DLGAP2: variants seen among roughly 807,000 people sequenced by gnomAD.
DLGAP2 encodes the protein DLG associated protein 2.
Under a neutral mutation model 100.3 loss-of-function variants are expected in DLGAP2, and 26 were observed. The observed-to-expected ratio is 0.26, with a 90% CI of 0.19 to 0.36. The LOEUF (loss-of-function observed/expected upper bound fraction) is 0.36. DLGAP2 is among the 10% of genes least tolerant of loss of function. DLGAP2 has a pLI of 1.00. For synonymous variants in DLGAP2, 886 were observed against 630.1 expected (o/e 1.41, Z -6.08); for missense variants, 1,858 against 1,453.2 (o/e 1.28, Z -4.53).
rs572894912 is a variant in DLGAP2, at chr8:1,292,799, G to A, written c.106+33916G>A. On this transcript the variant is annotated intron_variant, in intron 3 of 14. Transcript: ENST00000637795. Reference sequence around the variant, plus strand: ...TTCCACTCATGTCACCCCTCTTCTCGGAACGCCTTCCCAAGGTCTTTCATT... The same window carrying A: ...TTCCACTCATGTCACCCCTCTTCTCAGAACGCCTTCCCAAGGTCTTTCATT... Among the ~76,000 whole-genome samples, 13 of 152,012 alleles carry A rather than the reference G, an allele frequency of 8.6e-5. No homozygotes were observed. The South Asian group carries it at 2.1e-3, about 24-fold the overall frequency.
intron 2 of DLGAP2, among the ~76,000 whole-genome samples, chr8:1,089,289 A>C (rs17668341): frequency 6.6e-6 from 1 of 152,234 alleles, no homozygotes; most frequent in African/African-American, 2.4e-5. Flanking sequence ...GACATGGTCT[A>C]TTGGTCTGTA....
intron 2 of DLGAP2, among the ~76,000 whole-genome samples, chr8:1,197,373 C>G (rs1012546147): frequency 1.3e-5 from 2 of 152,258 alleles, no homozygotes; most frequent in African/African-American, 4.8e-5. Flanking sequence ...TGTCTCAATA[C>G]CTGAGCCTTT....
intron 2 of DLGAP2, among the ~76,000 whole-genome samples, chr8:1,187,041 G>A (rs1373422056): frequency 6.6e-6 from 1 of 151,434 alleles, no homozygotes; most frequent in East Asian, 2.0e-4. Flanking sequence ...GCCTTTCCCA[G>A]GCCCCAGAAT....
In DLGAP2 at chr8:1,486,210, C is replaced by T. The variant is rs150043946; in HGVS notation, c.107-15156C>T. On this transcript the variant is annotated intron_variant, in intron 3 of 14. Transcript: ENST00000637795. The stretch of plus-strand genomic sequence containing the variant: ...GATAAGGAAACCAAGGCTTTCATTA[C>T]TTGCCCCAGATCATAAGAGCCAGAG... Among the ~76,000 whole-genome samples, 426 of 152,260 alleles carry T rather than the reference C, an allele frequency of 2.8e-3. 2 individuals are homozygous for T. Among genetic ancestry groups the T allele is most frequent in the Middle Eastern group, 0.01 (3 of 294 alleles).
chr8:1,292,947 C>T (rs1385776307), intron 3 of DLGAP2, among the ~76,000 whole-genome samples: 5 of 152,162 alleles, frequency 3.3e-5, no homozygotes, highest in Non-Finnish European at 7.3e-5. Context: ...TGCATTAGGA[C>T]CCTGGGCGTG....
At chr8:1,478,907 G>T (rs1017045433) in intron 3 of DLGAP2, among the ~76,000 whole-genome samples, 1 of 152,248 alleles carries the variant, frequency 6.6e-6, no homozygotes, top group African/African-American at 2.4e-5. Flanking sequence ...TGGAGGTTGA[G>T]GGAGATGACG....
Position 1,417,156 on chromosome 8 carries a change from G to GGCGGGGGAGACCGTC in DLGAP2, c.107-84210_107-84209insGCGGGGGAGACCGTC, listed in dbSNP as rs1563133680. 5.3e-4 allele frequency among the ~76,000 whole-genome samples: 45 copies of GGCGGGGGAGACCGTC among 85,656 alleles called. 5 individuals are homozygous for GGCGGGGGAGACCGTC. The highest frequency in any genetic ancestry group is 1.7e-3 in the East Asian group (4 of 2,398). The allele number at this position is 85,656 out of a possible 152,430, so 56.2% of individuals were successfully genotyped here. On this transcript the variant is annotated intron_variant, in intron 3 of 14. Coordinates refer to ENST00000637795, the MANE Select transcript of DLGAP2 (RefSeq NM_001346810.2). ...GCGTCTGAGGCGGGGGAGACTCTGAGTGAAGGGGAAGCCCCCGTTCATTTA... is the reference window on the plus strand; with the variant it reads ...GCGTCTGAGGCGGGGGAGACTCTGAGGCGGGGGAGACCGTCTGAAGGGGAAGCCCCCGTTCATTTA...
intron 4 of DLGAP2, among the ~76,000 whole-genome samples, chr8:1,513,508 C>G (rs1332624645): frequency 6.6e-6 from 1 of 152,206 alleles, no homozygotes; most frequent in Admixed American, 6.5e-5. Flanking sequence ...GGCCGTCACC[C>G]CCATCAGTGG....
At chr8:1,481,198 C>T (rs1216996975) in intron 3 of DLGAP2, among the ~76,000 whole-genome samples, 2 of 151,798 alleles carry the variant, frequency 1.3e-5, no homozygotes, top group Admixed American at 1.3e-4. Context: ...ATTTTAAAAA[C>T]CATCAAAAAT....
At chr8:1,678,089 C>A in intron 11 of DLGAP2, 125 bp from the exon 12 acceptor site, 1 of 1,065,980 alleles carries the variant, frequency 9.4e-7, no homozygotes, top group East Asian at 2.5e-5. Flanking sequence ...AAACAAAACA[C>A]TACCTGCCCT....
intron 3 of DLGAP2, among the ~76,000 whole-genome samples, chr8:1,280,764 G>A (rs1799798997): frequency 6.6e-6 from 1 of 152,228 alleles, no homozygotes; most frequent in South Asian, 2.1e-4. Context: ...GCAGTTGGGG[G>A]TCAGGTTGCC....
At chr8:1,553,563 G>A (rs1350851341) in intron 5 of DLGAP2, among the ~76,000 whole-genome samples, 1 of 152,180 alleles carries the variant, frequency 6.6e-6, no homozygotes, top group Non-Finnish European at 1.5e-5. Flanking sequence ...GGAAGCAAAT[G>A]GCAGAAAAGA....
intron 2 of DLGAP2, among the ~76,000 whole-genome samples, chr8:946,453 C>G (rs530077735): frequency 2.6e-5 from 4 of 151,740 alleles, no homozygotes; most frequent in Middle Eastern, 3.4e-3. Flanking sequence ...TTTGTAGAGA[C>G]GGGGTTTCAC....
At chr8:845,017 C>T (rs377652731) in intron 1 of DLGAP2, among the ~76,000 whole-genome samples, 1 of 152,168 alleles carries the variant, frequency 6.6e-6, no homozygotes, top group East Asian at 1.9e-4. Flanking sequence ...CTTTTTATTG[C>T]TGAATGACAT....
At chr8:1,507,382 GCAGCTGCTGGCC>G (rs1415507928) in intron 4 of DLGAP2, among the ~76,000 whole-genome samples, 12 of 152,166 alleles carry the variant, frequency 7.9e-5, no homozygotes, top group African/African-American at 2.9e-4. Context: ...CACATCCTCC[GCAGCTGCTGGCC>G]CAGGTGCTGA....
chr8:1,202,705 A>C (rs114365424), intron 2 of DLGAP2, among the ~76,000 whole-genome samples: 6,156 of 152,124 alleles, frequency 0.04, 398 homozygotes, highest in African/African-American at 0.14. Flanking sequence ...CAGGATCCCT[A>C]CTGCCCAACG....
At chr8:1,540,248 C>T (rs144649615) in intron 4 of DLGAP2, among the ~76,000 whole-genome samples, 42 of 152,314 alleles carry the variant, frequency 2.8e-4, no homozygotes, top group African/African-American at 9.9e-4. Context: ...GAGCCCCTTG[C>T]CCCGCGTTTT....
At chr8:1,023,568 G>A (rs1801688797) in intron 2 of DLGAP2, among the ~76,000 whole-genome samples, 1 of 152,144 alleles carries the variant, frequency 6.6e-6, no homozygotes, top group South Asian at 2.1e-4. Context: ...GTGAACCTCA[G>A]TGTGCGTGTG....
At chr8:1,570,289 C>T (rs192473883) in intron 6 of DLGAP2, among the ~76,000 whole-genome samples, 2 of 152,356 alleles carry the variant, frequency 1.3e-5, no homozygotes, top group African/African-American at 2.4e-5. Context: ...CCCACGTGAA[C>T]GCCCAGCACC....
Sources: gnomAD v4.1 joint callset for allele counts (sites outside exome capture counted in the v4.1 genomes callset) on GRCh38, gnomAD v4.1.1 for gene constraint, MANE v1.5 for transcripts, NCBI Gene and HGNC (gene_info 2026-07-23, HGNC 2026-07-21) for gene names.